The following EXOSC4 variants were observed in gnomAD, a reference collection of about 807,000 sequenced individuals.
EXOSC4 encodes the protein exosome component 4, also known as exosome complex component RRP41.
Under a neutral mutation model 20.0 loss-of-function variants are expected in EXOSC4, and 14 were observed. That is an observed-to-expected ratio of 0.70 (90% CI 0.46 to 1.09). The LOEUF is 1.09. Among genes scored for constraint, EXOSC4 ranks in the 50% least tolerant of loss-of-function variants. EXOSC4 has a pLI of 0.00. For synonymous variants in EXOSC4, 148 were observed against 146.4 expected (o/e 1.01, Z -0.08); for missense variants, 337 against 334.0 (o/e 1.01, Z -0.07).
chr8:144,064,658 G>A, the EXOSC4 span, among the ~76,000 whole-genome samples: 29 of 152,322 alleles, frequency 1.9e-4, no homozygotes, highest in African/African-American at 7.0e-4. Flanking sequence ...TGCCCTGGAA[G>A]AGGCACCACA....
chr8:144,070,261 C>T, the EXOSC4 span, among the ~76,000 whole-genome samples: 2 of 152,186 alleles, frequency 1.3e-5, no homozygotes, highest in Non-Finnish European at 2.9e-5. Context: ...GGGCGTGGCT[C>T]ACACCTGGAA....
chr8:144,068,509 A>G, the EXOSC4 span, among the ~76,000 whole-genome samples: 1 of 152,234 alleles, frequency 6.6e-6, no homozygotes, highest in Admixed American at 6.5e-5. Context: ...CTGTGCGGGA[A>G]GAGTGTGGGG....
At chr8:144,079,026 C>G (rs1438696046) in intron 1 of EXOSC4, 127 bp downstream of exon 1, 1 of 1,071,108 alleles carries the variant, frequency 9.3e-7, no homozygotes, top group South Asian at 2.2e-5. Context: ...CGATGCTCAG[C>G]ACCGCATCTC....
the EXOSC4 span, among the ~76,000 whole-genome samples, chr8:144,070,820 C>T: frequency 3.3e-5 from 5 of 151,944 alleles, no homozygotes; most frequent in South Asian, 6.2e-4. Flanking sequence ...AACAGCAAAA[C>T]TCCGTCTTGA....
chr8:144,064,759 G>A, the EXOSC4 span, among the ~76,000 whole-genome samples: 1 of 152,172 alleles, frequency 6.6e-6, no homozygotes, highest in African/African-American at 2.4e-5. Flanking sequence ...CCAGGGACAG[G>A]AGAGCCACCC....
chr8:144,079,042 G>A, intron 1 of EXOSC4, 143 bp downstream of exon 1: 1 of 995,576 alleles, frequency 1.0e-6, no homozygotes, highest in African/African-American at 1.7e-5. Flanking sequence ...ATCTCACTCG[G>A]AGTAAACGCA....
At chr8:144,067,264 C>T in the EXOSC4 span, among the ~76,000 whole-genome samples, 1 of 152,174 alleles carries the variant, frequency 6.6e-6, no homozygotes, top group South Asian at 2.1e-4. Flanking sequence ...ACTTTACTCC[C>T]ATGATTAGGT....
At chr8:144,068,489 T>C in the EXOSC4 span, among the ~76,000 whole-genome samples, 1 of 152,250 alleles carries the variant, frequency 6.6e-6, no homozygotes, top group African/African-American at 2.4e-5. Flanking sequence ...TGCTGTGGAA[T>C]CTGACTGGCC....
the EXOSC4 span, among the ~76,000 whole-genome samples, chr8:144,069,799 C>T: frequency 6.6e-6 from 1 of 152,246 alleles, no homozygotes; most frequent in South Asian, 2.1e-4. Context: ...TTTATCCCAC[C>T]GAACCCCAGG....
At chr8:144,066,075 G>A in the EXOSC4 span, among the ~76,000 whole-genome samples, 1 of 151,474 alleles carries the variant, frequency 6.6e-6, no homozygotes, top group Admixed American at 6.6e-5. Context: ...GGAGTGCAGT[G>A]GCGTGATCTC....
chr8:144,074,555 G>A (rs191334304), upstream of EXOSC4, among the ~76,000 whole-genome samples: 775 of 152,098 alleles, frequency 5.1e-3, 6 homozygotes, highest in South Asian at 0.03. Flanking sequence ...TTTTTGGGGC[G>A]GGGGGTGGTT....
the EXOSC4 span, among the ~76,000 whole-genome samples, chr8:144,070,308 G>T: frequency 6.6e-6 from 1 of 151,920 alleles, no homozygotes; most frequent in Non-Finnish European, 1.5e-5. Context: ...GGTGGATCAC[G>T]AGGTCAGGAG....
At chr8:144,076,959 T>C (rs1835840999), upstream of EXOSC4, among the ~76,000 whole-genome samples, 1 of 151,964 alleles carries the variant, frequency 6.6e-6, no homozygotes, top group South Asian at 2.1e-4. Context: ...TAATCCCAGC[T>C]ACCTGGGAGG....
upstream of EXOSC4, among the ~76,000 whole-genome samples, chr8:144,074,528 C>T (rs186843258): frequency 1.3e-5 from 2 of 152,218 alleles, no homozygotes; most frequent in East Asian, 3.9e-4. Flanking sequence ...ACAAGAAAAC[C>T]CAAACTCAAA....
chr8:144,072,434 G>A, the EXOSC4 span, among the ~76,000 whole-genome samples: 1 of 152,122 alleles, frequency 6.6e-6, no homozygotes, highest in African/African-American at 2.4e-5. Context: ...GCCCGTCTCA[G>A]CCTCCCAAAG....
At chr8:144,074,078 G>A (rs1835814965), upstream of EXOSC4, among the ~76,000 whole-genome samples, 1 of 152,218 alleles carries the variant, frequency 6.6e-6, no homozygotes, top group South Asian at 2.1e-4. Context: ...TCGAGAAACA[G>A]GCTCACCAGG....
the EXOSC4 span, among the ~76,000 whole-genome samples, chr8:144,070,201 G>A: frequency 2.6e-3 from 401 of 152,278 alleles, 2 homozygotes; most frequent in African/African-American, 9.2e-3. Context: ...AATGGTCAAG[G>A]CCCTCTGATT....
chr8:144,075,727 G>C (rs1252386412), upstream of EXOSC4, among the ~76,000 whole-genome samples: 9 of 152,224 alleles, frequency 5.9e-5, no homozygotes, highest in South Asian at 2.1e-4. Context: ...CATCTTAAGA[G>C]AGCATCAGAG....
chr8:144,078,472 G>C (rs1042682794), upstream of EXOSC4: 3 of 352,336 alleles, frequency 8.5e-6, no homozygotes, highest in Non-Finnish European at 1.5e-5. The surrounding 1 kb of genome is among the most constrained non-coding windows in gnomAD (Gnocchi z 4.7). Context: ...AAGTAGAGCC[G>C]GACCGCCGGA....
Sources: allele counts gnomAD v4.1 joint callset (sites outside exome capture counted in the v4.1 genomes callset), GRCh38; gene constraint gnomAD v4.1.1; non-coding constraint Gnocchi (gnomAD v3.1); transcripts MANE v1.5; gene names NCBI Gene and HGNC (gene_info 2026-07-23, HGNC 2026-07-21).